Variants in ALG11 observed in about 807,000 individuals in gnomAD.
The protein encoded by ALG11 is GDP-Man:Man(3)GlcNAc(2)-PP-Dol alpha-1,2-mannosyltransferase.
ALG11 carries 26 observed loss-of-function variants against 38.8 expected under a neutral mutation model. The ratio of observed to expected loss-of-function variants is 0.67; its 90% confidence interval spans 0.49 to 0.93. ALG11 has a LOEUF of 0.93. Ranked by LOEUF, ALG11 falls within the 40% of genes least tolerant of loss-of-function variation. The probability of loss-of-function intolerance (pLI) is 0.00; values close to 1 mark genes in which losing one functional copy is unlikely to be tolerated. For synonymous variants in ALG11, 199 were observed against 211.6 expected (o/e 0.94, Z 0.52); for missense variants, 535 against 578.8 (o/e 0.92, Z 0.78).
Position 52,024,140 on chromosome 13 carries a change from A to G in ALG11, c.410A>G (p.Tyr137Cys). The change falls in exon 3 of 4, where the codon TAT (tyrosine) becomes TGT (cysteine). Residue 137 changes from tyrosine to cysteine, a missense_variant. Tyr to Cys is a radical substitution (Grantham distance 194). Coordinates refer to ENST00000521508, the MANE Select transcript of ALG11 (RefSeq NM_001004127.3). ...CAGTTTGTTTTTTTAAGGAAACGCT[A>G]TCTTGTGGAAGATTCACTGTATCCT... ...PVQFVFLRKRYLVEDSLYPHF... is the reference protein window; with the variant it reads ...PVQFVFLRKRCLVEDSLYPHF... 2 of 1,614,088 alleles carry G rather than the reference A, an allele frequency of 1.2e-6. No individual in the cohort carries two copies. The highest frequency in any genetic ancestry group is 2.2e-5 in the East Asian group (1 of 44,884).
Position 52,029,972 on chromosome 13 carries a change from G to A in ALG11, c.*1382G>A, listed in dbSNP as rs1179337866. On this transcript the variant is annotated 3_prime_UTR_variant, in exon 4 of 4. Transcript: ENST00000521508. ...CACCAAAGAGGCTGCAACACAGGAG[G>A]ACCCTGAGCAAGTGCCAGAGCTTGC... 2 of 1,614,208 alleles carry A rather than the reference G, an allele frequency of 1.2e-6. No individual in the cohort carries two copies. The highest frequency in any genetic ancestry group is 2.2e-5 in the South Asian group (2 of 91,076).
intron 1 of ALG11, among the ~76,000 whole-genome samples, chr13:52,014,325 A>T (rs1036188120): frequency 6.6e-6 from 1 of 152,180 alleles, no homozygotes; most frequent in African/African-American, 2.4e-5. Context: ...TTTGGAAAAG[A>T]TAGTTTTTTA....
At chr13:52,028,284 T>G in intron 3 of ALG11, 35 bp from the exon 4 acceptor site, 1 of 1,613,948 alleles carries the variant, frequency 6.2e-7, no homozygotes, top group Non-Finnish European at 8.5e-7. Flanking sequence ...ACTCAAAAAC[T>G]TAAAAGATTA....
chr13:52,016,821 C>G (rs1010002796), intron 1 of ALG11: 11 of 152,258 alleles, frequency 7.2e-5, no homozygotes, highest in African/African-American at 2.7e-4. Flanking sequence ...TTGGAGCCCC[C>G]ACACAGAGTC....
chr13:52,014,836 ACT>A (rs1186021796), intron 1 of ALG11, among the ~76,000 whole-genome samples: 4 of 152,108 alleles, frequency 2.6e-5, no homozygotes, highest in Non-Finnish European at 5.9e-5. Flanking sequence ...AGGATGAGAA[ACT>A]CTGATGTAAA....
chr13:52,031,196 G>T lies in ALG11; in HGVS notation c.*2606G>T. 4 of 1,510,470 alleles carry T rather than the reference G, an allele frequency of 2.6e-6. No homozygotes were observed. Among genetic ancestry groups the T allele is most frequent in the Non-Finnish European group, 3.5e-6 (4 of 1,130,406 alleles). 93.6% of individuals were successfully genotyped at this position (1,510,470 alleles called of 1,614,324 possible). A position where few individuals can be genotyped will look rare whatever the true frequency, so the allele number is the denominator to read the frequency against. ...TGCTACAGGGTGGATTCCAAAACTG[G>T]CTCAGCACATTGCATGTAGTTGAGC... is the stretch of plus-strand genomic sequence containing the variant. On this transcript the variant is annotated 3_prime_UTR_variant, in exon 4 of 4. Transcript: ENST00000521508.
chr13:52,030,346 G>C lies in ALG11; in HGVS notation c.*1756G>C, dbSNP rs776882143. ...TACAAACTCTGGAAGAGCTAGAAGA[G>C]CTGGGAAAAGAAGATTGTTTTCAAA... On this transcript the variant is annotated 3_prime_UTR_variant, in exon 4 of 4. Transcript: ENST00000521508. The C allele has an allele frequency of 3.1e-6, 5 of 1,614,214 alleles. No individual in the cohort carries two copies. Among genetic ancestry groups the C allele is most frequent in the Non-Finnish European group, 3.4e-6 (4 of 1,180,038 alleles).
intron 3 of ALG11, among the ~76,000 whole-genome samples, chr13:52,026,143 G>A (rs890009949): frequency 6.6e-5 from 10 of 152,182 alleles, no homozygotes; most frequent in African/African-American, 2.2e-4. Context: ...ATGTGAAAGC[G>A]CCAAAGAGAA....
intron 3 of ALG11, 39 bp downstream of exon 3, chr13:52,024,976 G>A: frequency 6.4e-7 from 1 of 1,569,408 alleles, no homozygotes; most frequent in Non-Finnish European, 8.7e-7. Flanking sequence ...GGTGCCATGA[G>A]ATACACATTT....
chr13:52,022,620 A>C (rs1175190239), intron 2 of ALG11: 1 of 151,680 alleles, frequency 6.6e-6, no homozygotes, highest in Admixed American at 6.6e-5. Flanking sequence ...ACTGGACTGA[A>C]CTTCTGAAGA....
chr13:52,024,632 A>T lies in ALG11; in HGVS notation c.902A>T (p.His301Leu). The T allele has an allele frequency of 6.2e-7, 1 of 1,613,834 alleles. No homozygotes were observed. The highest frequency in any genetic ancestry group is 8.5e-7 in the Non-Finnish European group (1 of 1,179,758). ...PLHEKKMTPG[H>L]LLVSVGQFRP... ...CATGAGAAAAAGATGACCCCAGGAC[A>T]TTTGCTGGTTTCTGTTGGCCAGTTT... The change falls in exon 3 of 4, where the codon CAT becomes CTT. Residue 301 changes from histidine (H) to leucine (L), a missense_variant. Coordinates refer to ENST00000521508, the MANE Select transcript of ALG11 (RefSeq NM_001004127.3).
Position 52,029,987 on chromosome 13 carries a change from C to T in ALG11, c.*1397C>T. ...AACACAGGAGGACCCTGAGCAAGTG[C>T]CAGAGCTTGCAGCTCATGAGGTTTC... On this transcript the variant is annotated 3_prime_UTR_variant, in exon 4 of 4. Coordinates refer to ENST00000521508, the MANE Select transcript of ALG11 (RefSeq NM_001004127.3). The T allele has an allele frequency of 3.7e-6, 6 of 1,614,206 alleles. No individual in the cohort carries two copies. Among genetic ancestry groups the T allele is most frequent in the South Asian group, 3.3e-5 (3 of 91,086 alleles).
Position 52,013,903 on chromosome 13 carries a change from T to C in ALG11, c.44+1441T>C, listed in dbSNP as rs186073727. On this transcript the variant is annotated intron_variant, in intron 1 of 3. Coordinates refer to ENST00000521508, the MANE Select transcript of ALG11 (RefSeq NM_001004127.3). ...GTAATATTTGCCTATTTTACTATGT[T>C]GATAAGTGCAAAAGTGATAGCGGAT... Among the ~76,000 whole-genome samples the C allele has an allele frequency of 2.2e-3, 337 of 152,330 alleles. 1 individual carries two copies. Among genetic ancestry groups the C allele is most frequent in the African/African-American group, 7.7e-3 (321 of 41,568 alleles).
intron 3 of ALG11, among the ~76,000 whole-genome samples, chr13:52,026,000 G>A (rs1265944232): frequency 6.6e-6 from 1 of 152,222 alleles, no homozygotes; most frequent in Non-Finnish European, 1.5e-5. Flanking sequence ...GGATGCTAGG[G>A]ATGTGGTGGA....
chr13:52,025,977 T>C (rs1057451386), intron 3 of ALG11, among the ~76,000 whole-genome samples: 4 of 152,250 alleles, frequency 2.6e-5, no homozygotes, highest in Non-Finnish European at 5.9e-5. Flanking sequence ...TTCACTCTGC[T>C]GAGCGCTTGG....
Position 52,033,328 on chromosome 13 carries a change from A to G in ALG11, c.*4738A>G, listed in dbSNP as rs879590269. ...GTATTCTTATTTACAGTTGTGTACT[A>G]TAAAGTGTGTGTTACATAGGTTTTG... On this transcript the variant is annotated 3_prime_UTR_variant, in exon 4 of 4. Transcript: ENST00000521508. 3 of 167,104 alleles carry G rather than the reference A, an allele frequency of 1.8e-5. No individual in the cohort carries two copies. Among genetic ancestry groups the G allele is most frequent in the Non-Finnish European group, 2.9e-5 (2 of 68,122 alleles). The allele number at this position is 167,104 out of a possible 1,614,324, so 10.4% of individuals were successfully genotyped here. A position where few individuals can be genotyped will look rare whatever the true frequency, so the allele number is the denominator to read the frequency against.
At chr13:52,013,053 AATAG>A (rs1203188529) in intron 1 of ALG11, among the ~76,000 whole-genome samples, 1 of 152,212 alleles carries the variant, frequency 6.6e-6, no homozygotes, top group Non-Finnish European at 1.5e-5. Flanking sequence ...AAAATTAGAA[AATAG>A]ATAAGTAAAA....
Position 52,028,540 on chromosome 13 carries a change from C to T in ALG11, c.1429C>T (p.Gln477Ter). The change falls in exon 4 of 4, where the codon CAG becomes TAG. Residue 477 changes from glutamine to a stop codon, truncating the protein, a stop_gained. Coordinates refer to ENST00000521508, the MANE Select transcript of ALG11 (RefSeq NM_001004127.3). LOFTEE classifies it high-confidence loss of function. ...ARASVSRFSD[Q>*]EFEVTFLSSV... is the part of the protein sequence containing the mutation. ...TGCATCTGTAAGCAGATTCTCTGAT[C>T]AGGAATTTGAAGTGACATTCCTATC... The T allele has an allele frequency of 2.5e-6, 4 of 1,614,104 alleles. No homozygotes were observed. Among genetic ancestry groups the T allele is most frequent in the Non-Finnish European group, 2.5e-6 (3 of 1,179,972 alleles).
intron 1 of ALG11, among the ~76,000 whole-genome samples, chr13:52,013,569 G>C (rs1385355670): frequency 1.3e-5 from 2 of 152,180 alleles, no homozygotes; most frequent in African/African-American, 2.4e-5. Context: ...AGTTTGAAAA[G>C]CTTGTCACAT....
Sources: gnomAD v4.1 joint callset for allele counts (sites outside exome capture counted in the v4.1 genomes callset) on GRCh38, gnomAD v4.1.1 for gene constraint, MANE v1.5 for transcripts, NCBI Gene and HGNC (gene_info 2026-07-23, HGNC 2026-07-21) for gene names.